Variants in TMEM182 observed in about 807,000 individuals in gnomAD.
TMEM182 encodes the protein transmembrane protein 182.
In TMEM182, 20 loss-of-function variants were observed where a neutral mutation model predicts 26.8. The ratio of observed to expected loss-of-function variants is 0.75; its 90% CI spans 0.53 to 1.09. The LOEUF (loss-of-function observed/expected upper bound fraction) is 1.09. TMEM182 is among the 50% of genes least tolerant of loss of function. The probability of loss-of-function intolerance (pLI) is 0.00; values close to 1 mark genes in which losing one functional copy is unlikely to be tolerated. For missense variants in TMEM182, 277 were observed against 275.5 expected (o/e 1.01, Z -0.04); for synonymous variants, 109 against 102.2 (o/e 1.07, Z -0.40).
chr2:102,817,647 T>G lies in TMEM182; in HGVS notation c.*2679T>G. On this transcript the variant is annotated 3_prime_UTR_variant, in exon 5 of 5. Transcript: ENST00000412401. ...AAATATATTTATTAAATTTGAAGATTAAATGGAATTATAAAGGAATATATT... is the reference window on the plus strand; with the variant it reads ...AAATATATTTATTAAATTTGAAGATGAAATGGAATTATAAAGGAATATATT... 1.0e-6 allele frequency: 1 copy of G among 978,592 alleles called. No individual in the cohort carries two copies. The highest frequency in any genetic ancestry group is 1.2e-6 in the Non-Finnish European group (1 of 823,728). 60.6% of individuals were successfully genotyped at this position (978,592 alleles called of 1,614,324 possible).
At chr2:102,824,674 A>T (rs1682996784) in intron 3 of TMEM182, among the ~76,000 whole-genome samples, 1 of 152,026 alleles carries the variant, frequency 6.6e-6, no homozygotes, top group Non-Finnish European at 1.5e-5. Flanking sequence ...ATACAAAAAA[A>T]ATTAGCCAGG....
chr2:102,841,013 T>G (rs189528616), intron 3 of TMEM182, among the ~76,000 whole-genome samples: 15 of 152,320 alleles, frequency 9.8e-5, no homozygotes, highest in African/African-American at 3.6e-4. Context: ...CAGGGGACTT[T>G]TTTTTTCAGT....
chr2:102,814,142 TG>T (rs1413522669), intron 4 of TMEM182, among the ~76,000 whole-genome samples: 1 of 152,088 alleles, frequency 6.6e-6, no homozygotes, highest in Non-Finnish European at 1.5e-5. Context: ...CTTTTATGTT[TG>T]TTCAGTGTTT....
intron 3 of TMEM182, among the ~76,000 whole-genome samples, chr2:102,789,045 A>T (rs1681524045): frequency 6.6e-6 from 1 of 152,220 alleles, no homozygotes; most frequent in South Asian, 2.1e-4. Context: ...CCTGCACAAC[A>T]GAAGCACATT....
intron 1 of TMEM182, among the ~76,000 whole-genome samples, chr2:102,745,309 C>T (rs1679659565): frequency 6.6e-6 from 1 of 151,946 alleles, no homozygotes; most frequent in African/African-American, 2.4e-5. Flanking sequence ...GTTGAAGATA[C>T]CTATCTGGTC....
At chr2:102,810,072 T>G (rs189334163) in intron 4 of TMEM182, among the ~76,000 whole-genome samples, 24 of 152,134 alleles carry the variant, frequency 1.6e-4, no homozygotes, top group South Asian at 2.1e-4. Context: ...TCGAGTTACA[T>G]CTAAGAAGTG....
At chr2:102,759,259 T>C (rs1287028947), upstream of TMEM182, among the ~76,000 whole-genome samples, 1 of 152,148 alleles carries the variant, frequency 6.6e-6, no homozygotes, top group African/African-American at 2.4e-5. Flanking sequence ...ATCCAACAGA[T>C]TGCTCCTTCT....
chr2:102,833,394 C>T (rs1683185269), intron 3 of TMEM182, among the ~76,000 whole-genome samples: 1 of 152,146 alleles, frequency 6.6e-6, no homozygotes, highest in African/African-American at 2.4e-5. Flanking sequence ...TGCATGGGGA[C>T]TAGAAAATCA....
At chr2:102,801,500 C>T (rs10169194) in intron 4 of TMEM182, among the ~76,000 whole-genome samples, 31,382 of 152,016 alleles carry the variant, frequency 0.21, 3,446 homozygotes, top group African/African-American at 0.28. Flanking sequence ...ATGACCATTG[C>T]GGTGCAGCCC....
chr2:102,826,521 C>T (rs145623682), intron 3 of TMEM182, among the ~76,000 whole-genome samples: 63 of 152,064 alleles, frequency 4.1e-4, no homozygotes, highest in African/African-American at 1.4e-3. Context: ...GTTCATGCAA[C>T]GTGTTTGCAA....
chr2:102,813,626 C>T (rs1372094986), intron 4 of TMEM182, among the ~76,000 whole-genome samples: 1 of 152,160 alleles, frequency 6.6e-6, no homozygotes. Flanking sequence ...CCCAGCGGAC[C>T]CTGGAGCCTG....
intron 3 of TMEM182, among the ~76,000 whole-genome samples, chr2:102,792,333 A>G (rs1033638203): frequency 2.6e-5 from 4 of 152,190 alleles, no homozygotes; most frequent in African/African-American, 9.7e-5. Flanking sequence ...TATTATATCA[A>G]TTAATCCTCA....
chr2:102,820,467 T>C (rs1682896995), downstream of TMEM182, among the ~76,000 whole-genome samples: 1 of 152,194 alleles, frequency 6.6e-6, no homozygotes, highest in African/African-American at 2.4e-5. Flanking sequence ...CTTTATCAAT[T>C]GTGATAAATC....
rs936787803 is a variant in TMEM182, at chr2:102,833,881, G to A, written c.326-9531G>A. 4.6e-5 allele frequency among the ~76,000 whole-genome samples: 7 copies of A among 152,254 alleles called. 1 individual carries two copies. The highest frequency in any genetic ancestry group is 2.0e-4 in the Admixed American group (3 of 15,292). ...CCAGAGGCCATGTGCCCTTCCCAACGCATTGCATCAGAGGACATAAAATAT... is the reference window on the plus strand; with the variant it reads ...CCAGAGGCCATGTGCCCTTCCCAACACATTGCATCAGAGGACATAAAATAT... On this transcript the variant is annotated intron_variant, in intron 3 of 3. Transcript: ENST00000486293.
In TMEM182 at chr2:102,815,707, AT is replaced by A. The variant is rs2104760090; in HGVS notation, c.*741del. 1 of 971,574 alleles carries A rather than the reference AT, an allele frequency of 1.0e-6. No homozygotes were observed. Among genetic ancestry groups the A allele is most frequent in the East Asian group, 1.1e-4 (1 of 8,742 alleles). 60.2% of individuals were successfully genotyped at this position (971,574 alleles called of 1,614,324 possible). A position where few individuals can be genotyped will look rare whatever the true frequency, so the allele number is the denominator to read the frequency against. On this transcript the variant is annotated 3_prime_UTR_variant, in exon 5 of 5. Transcript: ENST00000412401. ...ATTTTTATGAACTTAAAGTGAGTTA[AT>A]TGTATAATGTAATATTGTTTAAAAT...
intron 4 of TMEM182, among the ~76,000 whole-genome samples, chr2:102,806,323 G>A (rs979313140): frequency 6.6e-6 from 1 of 152,170 alleles, no homozygotes; most frequent in Non-Finnish European, 1.5e-5. Flanking sequence ...GGGGAAGGCG[G>A]TTGGCTTGAC....
downstream of TMEM182, among the ~76,000 whole-genome samples, chr2:102,820,692 T>C (rs1682900547): frequency 6.6e-6 from 1 of 152,214 alleles, no homozygotes; most frequent in Non-Finnish European, 1.5e-5. Context: ...TGACATGTTC[T>C]AGAAATGGCA....
chr2:102,798,120 C>T (rs1681961306), intron 4 of TMEM182, 120 bp downstream of exon 4: 1 of 1,283,192 alleles, frequency 7.8e-7, no homozygotes, highest in Non-Finnish European at 1.1e-6. Flanking sequence ...TATTTGTATA[C>T]AATACTTCTT....
At position 102,801,663 on chromosome 2, in the gene TMEM182, A is replaced by T. The variant is rs192669818; in HGVS notation, c.469+3663A>T. Among the ~76,000 whole-genome samples, 23 of 152,274 alleles carry T rather than the reference A, an allele frequency of 1.5e-4. No homozygotes were observed. The East Asian group carries it at 3.5e-3, about 23-fold the overall frequency. ...ATAAAACAAAATACTTGAAGTTACTAGTTACAGAGAACAGGAAGCTATAAA... is the reference window on the plus strand; with the variant it reads ...ATAAAACAAAATACTTGAAGTTACTTGTTACAGAGAACAGGAAGCTATAAA... On this transcript the variant is annotated intron_variant, in intron 4 of 4. Coordinates refer to ENST00000412401, the MANE Select transcript of TMEM182 (RefSeq NM_144632.5).
Sources: allele counts gnomAD v4.1 joint callset (sites outside exome capture counted in the v4.1 genomes callset), GRCh38; gene constraint gnomAD v4.1.1; transcripts MANE v1.5; gene names NCBI Gene and HGNC (gene_info 2026-07-23, HGNC 2026-07-21).